NACC2: variants seen among roughly 807,000 people sequenced by gnomAD.
The protein encoded by NACC2 is NACC family member 2.
A neutral mutation model predicts 25.1 loss-of-function variants in NACC2; 8 were observed. The observed-to-expected ratio is 0.32, with a 90% CI of 0.19 to 0.57. NACC2 has a LOEUF of 0.57. Ranked by LOEUF, NACC2 falls within the 20% of genes least tolerant of loss-of-function variation. The pLI, the probability that NACC2 is intolerant of heterozygous loss-of-function variation, is 0.89. For missense variants in NACC2, 644 were observed against 650.2 expected (o/e 0.99, Z 0.10); for synonymous variants, 435 against 294.7 (o/e 1.48, Z -4.88).
At position 136,019,951 on chromosome 9, in the gene NACC2, G is replaced by A. The variant is rs140280601; in HGVS notation, c.887-3522C>T. Among the ~76,000 whole-genome samples, 2 of 149,278 alleles carry A rather than the reference G, an allele frequency of 1.3e-5. No individual in the cohort carries two copies. Among genetic ancestry groups the A allele is most frequent in the African/African-American group, 2.4e-5 (1 of 40,896 alleles). ...CCACTCGCAGGCGGCCCCCAGAGTCGTCAGGTCCACAGAGGCGGGAAACAG... is the reference window on the plus strand; with the variant it reads ...CCACTCGCAGGCGGCCCCCAGAGTCATCAGGTCCACAGAGGCGGGAAACAG... On this transcript the variant is annotated intron_variant, in intron 2 of 5. Transcript: ENST00000277554. The surrounding 1 kb of genome is among the most constrained non-coding windows in gnomAD (Gnocchi z 5.2).
chr9:136,022,710 G>C lies in NACC2; in HGVS notation c.887-6281C>G, dbSNP rs913131242. Among the ~76,000 whole-genome samples, 20 of 152,130 alleles carry C rather than the reference G, an allele frequency of 1.3e-4. No individual in the cohort carries two copies. Among genetic ancestry groups the C allele is most frequent in the African/African-American group, 4.6e-4 (19 of 41,416 alleles). On this transcript the variant is annotated intron_variant, in intron 2 of 5. Transcript: ENST00000277554. This position sits in a 1 kb window ranked among gnomAD's most constrained non-coding sequence, Gnocchi z 4.4. ...AACACACAGGGCCCATCAACTACCA[G>C]TGCTGGCTGGGGCAGTGCCTCTGTC... is the stretch of plus-strand genomic sequence containing the variant.
Position 136,018,583 on chromosome 9 carries a change from G to T in NACC2, c.887-2154C>A, listed in dbSNP as rs960235904. Among the ~76,000 whole-genome samples, 4 of 152,036 alleles carry T rather than the reference G, an allele frequency of 2.6e-5. No homozygotes were observed. The highest frequency in any genetic ancestry group is 4.8e-5 in the African/African-American group (2 of 41,382). Reference sequence around the variant, plus strand: ...GCACTGCACCTGTCAGTCCCAGGAAGGGGAGCTTCCCAAGGCCCAGGGACA... The same window carrying T: ...GCACTGCACCTGTCAGTCCCAGGAATGGGAGCTTCCCAAGGCCCAGGGACA... On this transcript the variant is annotated intron_variant, in intron 2 of 5. Transcript: ENST00000277554. This position sits in a 1 kb window ranked among gnomAD's most constrained non-coding sequence, Gnocchi z 4.4.
At position 136,084,895 on chromosome 9, in the gene NACC2, AG is replaced by A. The variant is rs547742858; in HGVS notation, c.-60+10293del. Among the ~76,000 whole-genome samples, 160 of 152,344 alleles carry A rather than the reference AG, an allele frequency of 1.1e-3. 1 individual carries two copies. The highest frequency in any genetic ancestry group is 3.5e-3 in the African/African-American group (147 of 41,576). On this transcript the variant is annotated intron_variant, in intron 1 of 5. Transcript: ENST00000277554. This position sits in a 1 kb window ranked among gnomAD's most constrained non-coding sequence, Gnocchi z 5.1. ...GTCCCGGAAGCAGGCCTACAGAGAC[AG>A]GAAGTAGAAAGGTGCCTGCCAGGGG...
chr9:136,063,225 G>C (rs182396169), intron 1 of NACC2, among the ~76,000 whole-genome samples: 27 of 152,314 alleles, frequency 1.8e-4, no homozygotes, highest in African/African-American at 6.3e-4. Flanking sequence ...GGACCCCTGG[G>C]CTGGTCTCGG....
At chr9:136,093,539 G>C (rs962551719) in intron 1 of NACC2, among the ~76,000 whole-genome samples, 3 of 152,204 alleles carry the variant, frequency 2.0e-5, no homozygotes, top group Non-Finnish European at 4.4e-5. Context: ...TGACCACTGC[G>C]AAAGGATCCC....
intron 2 of NACC2, among the ~76,000 whole-genome samples, chr9:136,044,827 C>G (rs1048785900): frequency 6.6e-6 from 1 of 152,202 alleles, no homozygotes; most frequent in Non-Finnish European, 1.5e-5. Context: ...GTGGCTGCAA[C>G]GGAGACCACC....
chr9:136,035,299 T>C (rs1840534681), intron 2 of NACC2, among the ~76,000 whole-genome samples: 1 of 151,906 alleles, frequency 6.6e-6, no homozygotes, highest in Admixed American at 6.6e-5. Context: ...ATCACCAATA[T>C]TGAGCCAAAG....
intron 1 of NACC2, among the ~76,000 whole-genome samples, chr9:136,073,167 C>A (rs780568662): frequency 5.9e-5 from 9 of 152,112 alleles, no homozygotes; most frequent in Non-Finnish European, 1.3e-4. Context: ...GTGGCACGTG[C>A]TTGTAGTCTC....
intron 2 of NACC2, among the ~76,000 whole-genome samples, chr9:136,045,567 G>C (rs1840710190): frequency 6.6e-6 from 1 of 152,214 alleles, no homozygotes; most frequent in South Asian, 2.1e-4. Context: ...AGGCACAGGA[G>C]GGGGTGTGGG....
At chr9:136,060,808 TC>T (rs1170115605) in intron 1 of NACC2, among the ~76,000 whole-genome samples, 2 of 152,152 alleles carry the variant, frequency 1.3e-5, no homozygotes, top group South Asian at 2.1e-4. Context: ...GCTTCAGCCC[TC>T]CCCTGCTCAT....
Position 136,006,985 on chromosome 9 carries a change from C to T in NACC2, c.*4531G>A, listed in dbSNP as rs1437650859. The T allele has an allele frequency of 6.5e-6, 1 of 154,026 alleles. No homozygotes were observed. The highest frequency in any genetic ancestry group is 2.4e-5 in the African/African-American group (1 of 41,530). 9.5% of individuals were successfully genotyped at this position (154,026 alleles called of 1,614,324 possible). A position where few individuals can be genotyped will look rare whatever the true frequency, so the allele number is the denominator to read the frequency against. ...ACAACCGTCTCCTTTTTAAAAGTCT[C>T]TTTTTTCCAAACATTCCATCCGAAG... is the stretch of plus-strand genomic sequence containing the variant. On this transcript the variant is annotated 3_prime_UTR_variant, in exon 6 of 6. Coordinates refer to ENST00000277554, the MANE Select transcript of NACC2 (RefSeq NM_144653.5).
At chr9:136,072,144 A>G (rs933325641) in intron 1 of NACC2, among the ~76,000 whole-genome samples, 11 of 152,168 alleles carry the variant, frequency 7.2e-5, no homozygotes, top group Non-Finnish European at 8.8e-5. Flanking sequence ...AGGCTGAGGC[A>G]GGAGAATTAC....
intron 2 of NACC2, among the ~76,000 whole-genome samples, chr9:136,028,408 T>C (rs1290625200): frequency 6.6e-6 from 1 of 150,726 alleles, no homozygotes; most frequent in Non-Finnish European, 1.5e-5. Flanking sequence ...ACAGGGTCTC[T>C]TTCTGTCACC....
intron 1 of NACC2, among the ~76,000 whole-genome samples, chr9:136,081,675 G>C (rs956822158): frequency 2.0e-5 from 3 of 152,232 alleles, no homozygotes; most frequent in Admixed American, 6.5e-5. Context: ...GGCCCAGGGA[G>C]GGCAGCTGCG....
chr9:136,076,980 T>C (rs553737754), intron 1 of NACC2, among the ~76,000 whole-genome samples: 33 of 151,906 alleles, frequency 2.2e-4, no homozygotes, highest in African/African-American at 7.5e-4. Context: ...CACTCCAGCC[T>C]GGGCGACAGA....
intron 2 of NACC2, among the ~76,000 whole-genome samples, chr9:136,026,714 G>A (rs991469901): frequency 1.3e-5 from 2 of 152,186 alleles, no homozygotes; most frequent in African/African-American, 4.8e-5. Flanking sequence ...TTCTAACTCA[G>A]GATGAATGCT....
At chr9:136,033,479 A>ACC (rs1840502288) in intron 2 of NACC2, among the ~76,000 whole-genome samples, 1 of 150,976 alleles carries the variant, frequency 6.6e-6, no homozygotes, top group Non-Finnish European at 1.5e-5. Flanking sequence ...CCCCTACTAA[A>ACC]CCTCTACTAA....
intron 2 of NACC2, among the ~76,000 whole-genome samples, chr9:136,037,102 A>C (rs1840565510): frequency 6.6e-6 from 1 of 152,226 alleles, no homozygotes; most frequent in Non-Finnish European, 1.5e-5. Context: ...AGAACCGTCA[A>C]CCTAGAATTC....
chr9:136,037,472 G>A (rs947502806), intron 2 of NACC2, among the ~76,000 whole-genome samples: 14 of 151,482 alleles, frequency 9.2e-5, no homozygotes, highest in African/African-American at 3.4e-4. Context: ...AAGCTGCCAT[G>A]AACATGTGCA....
Sources: gnomAD v4.1 joint callset for allele counts (sites outside exome capture counted in the v4.1 genomes callset) on GRCh38, gnomAD v4.1.1 for gene constraint, Gnocchi (gnomAD v3.1) non-coding constraint, MANE v1.5 for transcripts, NCBI Gene and HGNC (gene_info 2026-07-23, HGNC 2026-07-21) for gene names.